Variants in IKZF2 observed in about 807,000 individuals in gnomAD.
The protein encoded by IKZF2 is IKAROS family zinc finger 2, also known as zinc finger protein Helios.
Under a neutral mutation model 49.2 loss-of-function variants are expected in IKZF2, and 15 were observed. The ratio of observed to expected loss-of-function variants is 0.30; its 90% CI spans 0.20 to 0.47. The LOEUF is 0.47. Among genes scored for constraint, IKZF2 ranks in the 20% least tolerant of loss-of-function variants. The pLI, the probability that IKZF2 is intolerant of heterozygous loss-of-function variation, is 1.00. For synonymous variants in IKZF2, 227 were observed against 221.4 expected (o/e 1.03, Z -0.23); for missense variants, 567 against 664.6 (o/e 0.85, Z 1.61).
intron 6 of IKZF2, among the ~76,000 whole-genome samples, chr2:213,044,920 T>C (rs1700012177): frequency 6.6e-6 from 1 of 152,140 alleles, no homozygotes; most frequent in Admixed American, 6.5e-5. Flanking sequence ...CATGGGATGG[T>C]AGTATCTTCT....
intron 4 of IKZF2, among the ~76,000 whole-genome samples, chr2:213,115,463 G>C (rs998804596): frequency 6.6e-6 from 1 of 152,148 alleles, no homozygotes; most frequent in Non-Finnish European, 1.5e-5. Flanking sequence ...TCATAGTGAG[G>C]TCTCTCAAAA....
intron 6 of IKZF2, among the ~76,000 whole-genome samples, chr2:213,033,083 A>T (rs2128392): frequency 0.58 from 88,446 of 152,046 alleles, 26,626 homozygotes; most frequent in East Asian, 0.78. Context: ...TATTCACAGG[A>T]TCTACACTAG....
At chr2:213,110,502 T>C (rs2059670464) in intron 4 of IKZF2, among the ~76,000 whole-genome samples, 1 of 151,954 alleles carries the variant, frequency 6.6e-6, no homozygotes, top group South Asian at 2.1e-4. Flanking sequence ...ATGATTCTTA[T>C]TTTTTATATA....
intron 7 of IKZF2, chr2:213,016,845 G>A (rs913213754): frequency 1.3e-4 from 20 of 152,112 alleles, no homozygotes; most frequent in African/African-American, 3.9e-4. Flanking sequence ...AGGGACCTAG[G>A]TTAGATCACA....
chr2:213,025,081 C>T (rs1697674457), intron 6 of IKZF2, among the ~76,000 whole-genome samples: 1 of 151,950 alleles, frequency 6.6e-6, no homozygotes, highest in African/African-American at 2.4e-5. Flanking sequence ...TCACTAAATC[C>T]ATAGGCTTTT....
intron 4 of IKZF2, among the ~76,000 whole-genome samples, chr2:213,096,903 A>G (rs1706060052): frequency 6.6e-6 from 1 of 152,046 alleles, no homozygotes; most frequent in South Asian, 2.1e-4. Flanking sequence ...AGCTTTCATC[A>G]TTTATAATAT....
At chr2:213,128,071 A>C (rs1389356911) in intron 4 of IKZF2, among the ~76,000 whole-genome samples, 1 of 152,194 alleles carries the variant, frequency 6.6e-6, no homozygotes, top group Non-Finnish European at 1.5e-5. Flanking sequence ...AAATGTGAGG[A>C]TGCAAACTTG....
intron 4 of IKZF2, among the ~76,000 whole-genome samples, chr2:213,145,465 T>C (rs1159238203): frequency 6.6e-6 from 1 of 152,042 alleles, no homozygotes; most frequent in African/African-American, 2.4e-5. Context: ...AAACCGGTGA[T>C]CTCAGACACA....
intron 4 of IKZF2, among the ~76,000 whole-genome samples, chr2:213,093,528 A>G (rs995049354): frequency 6.6e-6 from 1 of 152,180 alleles, no homozygotes; most frequent in Non-Finnish European, 1.5e-5. Flanking sequence ...CTTTTTAATT[A>G]TAATGTCCTA....
chr2:213,138,398 A>G (rs2060751408), intron 4 of IKZF2, among the ~76,000 whole-genome samples: 1 of 152,036 alleles, frequency 6.6e-6, no homozygotes. Context: ...GAGACATTAT[A>G]AAAATAACAC....
chr2:213,018,863 T>C (rs1488297169), intron 7 of IKZF2, among the ~76,000 whole-genome samples: 3 of 152,198 alleles, frequency 2.0e-5, no homozygotes, highest in Non-Finnish European at 4.4e-5. Context: ...CATGTTTGGA[T>C]TGAACACTCC....
chr2:213,084,393 A>T (rs902909484), intron 4 of IKZF2, among the ~76,000 whole-genome samples: 2 of 152,198 alleles, frequency 1.3e-5, no homozygotes, highest in African/African-American at 4.8e-5. Context: ...TCACTACAAA[A>T]GATTCTCCTA....
At chr2:213,150,021 TAAA>T in intron 2 of IKZF2, 120 bp downstream of exon 2, 1 of 418,020 alleles carries the variant, frequency 2.4e-6, no homozygotes, top group Non-Finnish European at 4.5e-6. Context: ...ACACACATAT[TAAA>T]AAGAAAGAAA....
chr2:213,017,442 A>G (rs1206050495), intron 7 of IKZF2, among the ~76,000 whole-genome samples: 1 of 152,152 alleles, frequency 6.6e-6, no homozygotes, highest in Non-Finnish European at 1.5e-5. Flanking sequence ...CTATTTTCCT[A>G]ATTACCATAT....
At chr2:213,143,178 G>A (rs1363098311) in intron 4 of IKZF2, among the ~76,000 whole-genome samples, 1 of 151,920 alleles carries the variant, frequency 6.6e-6, no homozygotes, top group Non-Finnish European at 1.5e-5. Flanking sequence ...ACGGAACCCA[G>A]AGATGAAAAT....
intron 6 of IKZF2, among the ~76,000 whole-genome samples, chr2:213,025,099 C>T (rs931810676): frequency 3.3e-4 from 50 of 152,066 alleles, no homozygotes; most frequent in African/African-American, 1.1e-3. Flanking sequence ...TTTATTAATC[C>T]TCTGTCTTCC....
intron 5 of IKZF2, among the ~76,000 whole-genome samples, chr2:213,052,050 C>A (rs1398710699): frequency 1.3e-5 from 2 of 151,860 alleles, no homozygotes; most frequent in Admixed American, 6.6e-5. Context: ...GAAACAATAT[C>A]TTTTTTAAAA....
chr2:213,070,582 A>G (rs1267555297), intron 4 of IKZF2, among the ~76,000 whole-genome samples: 2 of 152,158 alleles, frequency 1.3e-5, no homozygotes, highest in East Asian at 3.9e-4. Flanking sequence ...ACCAATTTAT[A>G]GAGTACAGTA....
At chr2:213,011,028 C>T (rs1695889111) in intron 8 of IKZF2, among the ~76,000 whole-genome samples, 1 of 151,888 alleles carries the variant, frequency 6.6e-6, no homozygotes, top group South Asian at 2.1e-4. Context: ...AAGGAATTGA[C>T]TATTCAATAG....
Sources: allele counts gnomAD v4.1 joint callset (sites outside exome capture counted in the v4.1 genomes callset), GRCh38; gene constraint gnomAD v4.1.1; transcripts MANE v1.5; gene names NCBI Gene and HGNC (gene_info 2026-07-23, HGNC 2026-07-21).